Variants in ZZEF1 observed in about 807,000 individuals in gnomAD.
ZZEF1 encodes zinc finger ZZ-type and EF-hand domain containing 1.
In ZZEF1, 157 loss-of-function variants were observed where a neutral mutation model predicts 342.8. The ratio of observed to expected loss-of-function variants is 0.46; its 90% CI spans 0.40 to 0.52. The LOEUF (loss-of-function observed/expected upper bound fraction) is 0.52. ZZEF1 is among the 20% of genes least tolerant of loss of function. The probability of loss-of-function intolerance (pLI) is 0.00; values close to 1 mark genes in which losing one functional copy is unlikely to be tolerated. For missense variants in ZZEF1, 3,480 were observed against 3,725.6 expected, an observed-to-expected ratio of 0.93 and a Z score of 1.72; for synonymous variants, 1,505 against 1,429.1, an observed-to-expected ratio of 1.05 and a Z score of -1.20.
intron 52 of ZZEF1, among the ~76,000 whole-genome samples, chr17:4,011,773 A>G (rs887397350): frequency 2.6e-5 from 4 of 152,168 alleles, no homozygotes; most frequent in African/African-American, 9.7e-5. Context: ...CTTGAAGCCA[A>G]TCTCTTTCTC....
rs942861987 is a variant in ZZEF1, at chr17:4,014,305, T to G, written c.8314+42A>C. 1.2e-6 allele frequency: 2 copies of G among 1,612,952 alleles called. No individual in the cohort carries two copies. Among genetic ancestry groups the G allele is most frequent in the Admixed American group, 3.3e-5 (2 of 59,968 alleles). On this transcript the variant is annotated intron_variant, in intron 50 of 54. Transcript: ENST00000381638. The surrounding 1 kb of genome is among the most constrained non-coding windows in gnomAD (Gnocchi z 4.4). ...CCTTCTCAATATTAAGTTTAAACAC[T>G]GCCTGTGAAGAACCTATCTAATCGA...
chr17:4,044,420 GT>G, intron 37 of ZZEF1, 46 bp from the exon 38 acceptor site: 1 of 1,550,216 alleles, frequency 6.5e-7, no homozygotes, highest in South Asian at 1.2e-5. Context: ...TTATAACAAA[GT>G]TTGCTCCATG....
Position 4,142,832 on chromosome 17 carries a change from C to A in ZZEF1, c.64G>T (p.Gly22Cys). The change falls in exon 1 of 55, where the codon GGC becomes TGC. Residue 22 changes from glycine to cysteine, a missense_variant. Physicochemically the swap from Gly to Cys is radical, Grantham distance 159. Coordinates refer to ENST00000381638, the MANE Select transcript of ZZEF1 (RefSeq NM_015113.4). Reference sequence around the variant, plus strand: ...ACCGCGGCCCAGTCCTGGTGTGGGCCCCAGCCCTCGCCACCGGCAGCTGCC... The same window carrying A: ...ACCGCGGCCCAGTCCTGGTGTGGGCACCAGCCCTCGCCACCGGCAGCTGCC... Reference protein sequence around the residue: ...EAAAAGGEGWGPHQDWAAVSG... With the variant: ...EAAAAGGEGWCPHQDWAAVSG... 4 of 1,400,488 alleles carry A rather than the reference C, an allele frequency of 2.9e-6. No homozygotes were observed. The highest frequency in any genetic ancestry group is 3.7e-6 in the Non-Finnish European group (4 of 1,086,790). 86.8% of individuals were successfully genotyped at this position (1,400,488 alleles called of 1,614,324 possible).
chr17:4,056,355 G>A lies in ZZEF1; in HGVS notation c.5166-10C>T. The A allele has an allele frequency of 6.3e-7, 1 of 1,575,072 alleles. No individual in the cohort carries two copies. Among genetic ancestry groups the A allele is most frequent in the South Asian group, 1.2e-5 (1 of 82,920 alleles). ...TTCTTCACTCCATTGGCTGAAAGAA[G>A]GACATAAAGAGAGAAAAGCATGCCT... On this transcript the variant is annotated splice_polypyrimidine_tract_variant and intron_variant, in intron 32 of 54. Coordinates refer to ENST00000381638, the MANE Select transcript of ZZEF1 (RefSeq NM_015113.4).
At chr17:4,068,319 C>T (rs2057442347) in intron 26 of ZZEF1, among the ~76,000 whole-genome samples, 1 of 152,022 alleles carries the variant, frequency 6.6e-6, no homozygotes. Context: ...TGCTCATTTC[C>T]CAGACTAGAG....
At chr17:4,018,761 C>T (rs1272535113) in intron 46 of ZZEF1, among the ~76,000 whole-genome samples, 2 of 152,108 alleles carry the variant, frequency 1.3e-5, no homozygotes, top group Non-Finnish European at 2.9e-5. Flanking sequence ...TGTGCTGATG[C>T]CCCTGGGTTC....
intron 40 of ZZEF1, 41 bp downstream of exon 40, chr17:4,033,974 G>A (rs2056605045): frequency 5.6e-6 from 9 of 1,602,872 alleles, no homozygotes; most frequent in Non-Finnish European, 7.7e-6. Context: ...ACCAAGGTGG[G>A]ATAGAGGGCA....
rs542587466 is a variant in ZZEF1 at position 4,063,377 on chromosome 17, A to G, written c.4719-460T>C. 3.9e-5 allele frequency among the ~76,000 whole-genome samples: 6 copies of G among 152,268 alleles called. No homozygotes were observed. In the South Asian group the frequency reaches 8.3e-4, roughly 21 times the overall value. On this transcript the variant is annotated intron_variant, in intron 29 of 54. Coordinates refer to ENST00000381638, the MANE Select transcript of ZZEF1 (RefSeq NM_015113.4). ...GATTCCTTGAACCCAGGCATTTGAG[A>G]CCAGCCTGGGTAACATAGGGCGGCC...
intron 42 of ZZEF1, among the ~76,000 whole-genome samples, chr17:4,028,216 A>T (rs1309649050): frequency 2.0e-5 from 3 of 152,192 alleles, no homozygotes; most frequent in South Asian, 4.1e-4. Flanking sequence ...CTTCTATATG[A>T]CATAAATCTC....
rs57925351 is a variant in ZZEF1, at chr17:4,112,033, AATATATATATATATATATATATATAT to A, written c.1066+550_1066+575del. ...GGGTGACAAAAAGAGATCCTGTCTA[AATATATATATATATATATATATATAT>A]ATATATATATATATATATATATATA... On this transcript the variant is annotated intron_variant, in intron 5 of 54. Transcript: ENST00000381638. Among the ~76,000 whole-genome samples, 256 of 54,452 alleles carry A rather than the reference AATATATATATATATATATATATATAT, an allele frequency of 4.7e-3. 5 individuals are homozygous for A. Among genetic ancestry groups the A allele is most frequent in the Middle Eastern group, 0.011 (1 of 88 alleles). 35.7% of individuals were successfully genotyped at this position (54,452 alleles called of 152,430 possible). A position where few individuals can be genotyped will look rare whatever the true frequency, so the allele number is the denominator to read the frequency against.
chr17:4,085,792 C>A lies in ZZEF1; in HGVS notation c.2524G>T (p.Val842Leu). Residue 842 changes from valine (V) to leucine (L), a missense_variant, in exon 16 of 55, where the codon GTG becomes TTG. This residue lies in a region of ZZEF1 where 1,528 missense variants were observed against 1,624.1 expected (regional missense o/e 0.94). Coordinates refer to ENST00000381638, the MANE Select transcript of ZZEF1 (RefSeq NM_015113.4). The stretch of plus-strand genomic sequence containing the variant: ...TCCATGGGCACAGAGTCTCCATCCA[C>A]CTTGTCCACCACTGATAAAATGAAC... ...YTHLCDVVDK[V>L]DGDSVPMEIL... 1 of 1,614,112 alleles carries A rather than the reference C, an allele frequency of 6.2e-7. No homozygotes were observed. Among genetic ancestry groups the A allele is most frequent in the Non-Finnish European group, 8.5e-7 (1 of 1,179,998 alleles).
At position 4,034,066 on chromosome 17, in the gene ZZEF1, C is replaced by A; in HGVS notation, c.6533G>T (p.Gly2178Val). 3 of 1,614,184 alleles carry A rather than the reference C, an allele frequency of 1.9e-6. No individual in the cohort carries two copies. Among genetic ancestry groups the A allele is most frequent in the Non-Finnish European group, 2.5e-6 (3 of 1,180,046 alleles). Residue 2178 changes from glycine (G) to valine (V), a missense_variant, in exon 40 of 55, where the codon GGC (glycine) becomes GTC (valine). By Grantham distance (109) the Gly-to-Val change is moderately radical. Around this residue, in one of 5 missense-constraint regions of ZZEF1, gnomAD observed 1,269 missense variants for 1,342.4 expected, o/e 0.95. Transcript: ENST00000381638. Reference protein sequence around the residue: ...AAGDSSIVPDGWKTTHLLFSL... With the variant: ...AAGDSSIVPDVWKTTHLLFSL... ...AAAGAGCAGGTGGGTGGTTTTCCAG[C>A]CATCTGGCACAATGGAACTGTCCCC...
chr17:4,027,849 T>G (rs1323239971), intron 42 of ZZEF1, among the ~76,000 whole-genome samples: 1 of 152,034 alleles, frequency 6.6e-6, no homozygotes, highest in Non-Finnish European at 1.5e-5. Flanking sequence ...CATCATTTAT[T>G]TATTTATTTT....
At chr17:4,027,011 A>G (rs1400758181) in intron 42 of ZZEF1, among the ~76,000 whole-genome samples, 1 of 152,240 alleles carries the variant, frequency 6.6e-6, no homozygotes, top group Non-Finnish European at 1.5e-5. Flanking sequence ...CCACAAAACT[A>G]AAAAAGATCC....
chr17:4,123,309 A>ATC (rs1491204984), intron 2 of ZZEF1, among the ~76,000 whole-genome samples: 3 of 118,784 alleles, frequency 2.5e-5, no homozygotes, highest in South Asian at 2.7e-4. Flanking sequence ...ATATATATAT[A>ATC]TCAGAAAAAT....
At chr17:4,089,525 C>T (rs183638371) in intron 12 of ZZEF1, among the ~76,000 whole-genome samples, 2 of 152,364 alleles carry the variant, frequency 1.3e-5, no homozygotes, top group Non-Finnish European at 2.9e-5. Context: ...AATTAAGCAG[C>T]CAAATAATGA....
intron 52 of ZZEF1, among the ~76,000 whole-genome samples, chr17:4,011,329 G>A (rs1375217197): frequency 2.0e-5 from 3 of 152,086 alleles, no homozygotes; most frequent in South Asian, 2.1e-4. Flanking sequence ...ACTTCAGCTC[G>A]GGAGGTGGAG....
At chr17:4,130,794 C>T (rs191341386) in intron 1 of ZZEF1, among the ~76,000 whole-genome samples, 124 of 152,256 alleles carry the variant, frequency 8.1e-4, no homozygotes, top group Middle Eastern at 3.4e-3. Context: ...ACATGAGTTC[C>T]GTGACTGCAG....
Position 4,052,067 on chromosome 17 carries a change from C to G in ZZEF1, c.5504G>C (p.Cys1835Ser). The change falls in exon 35 of 55, where the codon TGC becomes TCC. Residue 1835 changes from cysteine to serine, a missense_variant. Transcript: ENST00000381638. ...MVNMEFTCDH[C>S]QGLIIGRRMN... ...CCTCCGGCCTATGATCAAACCCTGG[C>G]AGTGGTCACAGGTAAACTCCATGTT... is the stretch of plus-strand genomic sequence containing the variant. 3.7e-6 allele frequency: 6 copies of G among 1,614,166 alleles called. No individual in the cohort carries two copies. Among genetic ancestry groups the G allele is most frequent in the Non-Finnish European group, 5.1e-6 (6 of 1,180,012 alleles).
Sources: allele counts gnomAD v4.1 joint callset (sites outside exome capture counted in the v4.1 genomes callset), GRCh38; gene constraint gnomAD v4.1.1; regional missense constraint gnomAD v4.1.1; non-coding constraint Gnocchi (gnomAD v3.1); transcripts MANE v1.5; gene names NCBI Gene and HGNC (gene_info 2026-07-23, HGNC 2026-07-21).